Variants in MYH11 observed in about 807,000 individuals in gnomAD.
MYH11 encodes the protein myosin heavy chain 11, also known as myosin-11.
Under a neutral mutation model 246.6 loss-of-function variants are expected in MYH11, and 80 were observed. The ratio of observed to expected loss-of-function variants is 0.32; its 90% CI spans 0.27 to 0.39. MYH11 has a LOEUF of 0.39. Among genes scored for constraint, MYH11 ranks in the 10% least tolerant of loss-of-function variants. The pLI is 1.00. For synonymous variants in MYH11, 1,071 were observed against 1,015.5 expected (o/e 1.05, Z -1.04); for missense variants, 2,158 against 2,546.8 (o/e 0.85, Z 3.29).
At chr16:15,745,094 G>A in intron 20 of MYH11, 35 bp downstream of exon 20, 1 of 1,532,658 alleles carries the variant, frequency 6.5e-7, no homozygotes, top group Non-Finnish European at 9.0e-7. Context: ...CAGGGCTGGG[G>A]GCCCCTGGGA....
intron 9 of MYH11, among the ~76,000 whole-genome samples, chr16:15,769,387 C>T (rs116063473): frequency 6.6e-6 from 1 of 152,220 alleles, no homozygotes; most frequent in Non-Finnish European, 1.5e-5. Context: ...GTAGTCTCAA[C>T]GACTTGAGAG....
intron 31 of MYH11, among the ~76,000 whole-genome samples, chr16:15,723,562 G>A (rs528952517): frequency 1.3e-4 from 20 of 152,252 alleles, no homozygotes; most frequent in Admixed American, 5.2e-4. Flanking sequence ...CAGGAGAATC[G>A]CTTGAACCCA....
chr16:15,851,300 T>C (rs1394366740), intron 1 of MYH11, among the ~76,000 whole-genome samples: 1 of 152,154 alleles, frequency 6.6e-6, no homozygotes, highest in Admixed American at 6.6e-5. Flanking sequence ...CTATTATTCA[T>C]AACAGCCACT....
At chr16:15,719,560 C>A in intron 35 of MYH11, 25 bp downstream of exon 35, 2 of 1,613,554 alleles carry the variant, frequency 1.2e-6, no homozygotes, top group South Asian at 2.2e-5. Flanking sequence ...GCATCTGAGG[C>A]TCTCCTAGCA....
At chr16:15,767,874 T>C (rs142272415) in intron 9 of MYH11, among the ~76,000 whole-genome samples, 1 of 151,194 alleles carries the variant, frequency 6.6e-6, no homozygotes, top group Non-Finnish European at 1.5e-5. Context: ...AAGGAACAGA[T>C]CTCCCTCAGT....
At chr16:15,714,855 A>T in intron 40 of MYH11, 54 bp downstream of exon 40, 1 of 1,606,584 alleles carries the variant, frequency 6.2e-7, no homozygotes, top group Non-Finnish European at 8.5e-7. Flanking sequence ...CCGAGCCCCC[A>T]GTGCTTTTCT....
chr16:15,854,740 T>G (rs1349224251), intron 1 of MYH11, among the ~76,000 whole-genome samples: 1 of 152,150 alleles, frequency 6.6e-6, no homozygotes, highest in Non-Finnish European at 1.5e-5. Context: ...AAATCTACTA[T>G]ATATCTGCTC....
At position 15,852,816 on chromosome 16, in the gene MYH11, C is replaced by T. The variant is rs151156815; in HGVS notation, c.-18+4125G>A. On this transcript the variant is annotated intron_variant, in intron 1 of 40. Coordinates refer to ENST00000300036, the MANE Select transcript of MYH11 (RefSeq NM_002474.3). Reference sequence around the variant, plus strand: ...ATTCCCATTTTCCTGCTAAGCCTATCGGGGTCTTGAAAGGTAAATGCAAGG... The same window carrying T: ...ATTCCCATTTTCCTGCTAAGCCTATTGGGGTCTTGAAAGGTAAATGCAAGG... 4.2e-3 allele frequency among the ~76,000 whole-genome samples: 638 copies of T among 152,146 alleles called. 5 individuals carry two copies. The highest frequency in any genetic ancestry group is 0.014 in the African/African-American group (573 of 41,494).
intron 26 of MYH11, among the ~76,000 whole-genome samples, chr16:15,734,415 C>CA (rs965417300): frequency 3.9e-5 from 6 of 152,166 alleles, no homozygotes; most frequent in Admixed American, 3.9e-4. Context: ...TCTACTGCCT[C>CA]AGCCTCCTGA....
chr16:15,748,903 G>C (rs1279701803), intron 16 of MYH11, among the ~76,000 whole-genome samples: 1 of 152,102 alleles, frequency 6.6e-6, no homozygotes, highest in African/African-American at 2.4e-5. Flanking sequence ...ATAGGCATGA[G>C]CTAGCATATG....
intron 19 of MYH11, 49 bp downstream of exon 19, chr16:15,747,520 CT>C (rs1567723796): frequency 6.2e-7 from 1 of 1,611,528 alleles, no homozygotes. Flanking sequence ...AGAAAGGCCC[CT>C]GTTTGTGATT....
intron 27 of MYH11, among the ~76,000 whole-genome samples, chr16:15,727,297 T>A (rs963174169): frequency 2.0e-5 from 3 of 151,926 alleles, no homozygotes; most frequent in African/African-American, 7.3e-5. Flanking sequence ...GCCTCCCAGG[T>A]TCAAACTATT....
intron 3 of MYH11, among the ~76,000 whole-genome samples, chr16:15,808,052 T>G (rs541029517): frequency 3.7e-4 from 57 of 152,268 alleles, no homozygotes; most frequent in African/African-American, 1.3e-3. Context: ...TGAGAGGTAA[T>G]CAAAACCCGT....
In MYH11 at chr16:15,823,305, G is replaced by A. The variant is rs750723134; in HGVS notation, c.452C>T (p.Pro151Leu). Residue 151 changes from proline (P) to leucine (L), a missense_variant, in exon 3 of 41, where the codon CCG (proline) becomes CTG (leucine). Pro to Leu is a moderately conservative substitution (Grantham distance 98, BLOSUM62 -3). Around this residue, in one of 11 missense-constraint regions of MYH11, gnomAD observed 123 missense variants for 207.1 expected, o/e 0.59. Transcript: ENST00000300036. ...GTCTGCGATGGCGTAGATGTGAGGC[G>A]GCATCTCGTGCCTCTTCTTGCCCTT... ...MYKGKKRHEMPPHIYAIADTA... is the reference protein window; with the variant it reads ...MYKGKKRHEMLPHIYAIADTA... 1.2e-5 allele frequency: 20 copies of A among 1,614,190 alleles called. No homozygotes were observed. The highest frequency in any genetic ancestry group is 3.3e-5 in the Admixed American group (2 of 60,008).
intron 40 of MYH11, among the ~76,000 whole-genome samples, chr16:15,710,160 C>T (rs2039697899): frequency 6.6e-6 from 1 of 152,138 alleles, no homozygotes; most frequent in Non-Finnish European, 1.5e-5. Flanking sequence ...TCCACTTTGC[C>T]CTTGGCTGCC....
At chr16:15,710,165 G>A (rs1007985969) in intron 40 of MYH11, among the ~76,000 whole-genome samples, 3 of 152,164 alleles carry the variant, frequency 2.0e-5, no homozygotes, top group African/African-American at 7.2e-5. Flanking sequence ...TTTGCCCTTG[G>A]CTGCCCAAGA....
chr16:15,822,202 C>T (rs56324920), intron 3 of MYH11, among the ~76,000 whole-genome samples: 4,290 of 152,306 alleles, frequency 0.028, 126 homozygotes, highest in Admixed American at 0.068. Context: ...CAGAATTGGG[C>T]TCCTCTCAAC....
intron 3 of MYH11, among the ~76,000 whole-genome samples, chr16:15,798,936 A>G (rs1297388103): frequency 6.6e-6 from 1 of 152,196 alleles, no homozygotes; most frequent in Non-Finnish European, 1.5e-5. Flanking sequence ...AGGAGTCATT[A>G]GCATCCAGCC....
At chr16:15,816,139 G>C (rs2043256251) in intron 3 of MYH11, among the ~76,000 whole-genome samples, 1 of 152,110 alleles carries the variant, frequency 6.6e-6, no homozygotes. Flanking sequence ...GGAGAGTAAA[G>C]CAAGAAAGAG....
Sources: allele counts gnomAD v4.1 joint callset (sites outside exome capture counted in the v4.1 genomes callset), GRCh38; gene constraint gnomAD v4.1.1; regional missense constraint gnomAD v4.1.1; transcripts MANE v1.5; gene names NCBI Gene and HGNC (gene_info 2026-07-23, HGNC 2026-07-21).